Variants in KCNN3 observed in about 807,000 individuals in gnomAD.
KCNN3 encodes the protein small conductance calcium-activated potassium channel protein 3.
A neutral mutation model predicts 62.9 loss-of-function variants in KCNN3; 16 were observed. The observed-to-expected ratio is 0.25, with a 90% CI of 0.17 to 0.39. KCNN3 has a LOEUF of 0.39. Ranked by LOEUF, KCNN3 falls within the 10% of genes least tolerant of loss-of-function variation. The pLI, the probability that KCNN3 is intolerant of heterozygous loss-of-function variation, is 1.00. For missense variants in KCNN3, 599 were observed against 949.4 expected, an observed-to-expected ratio of 0.63 and a Z score of 4.85; for synonymous variants, 370 against 389.2, an observed-to-expected ratio of 0.95 and a Z score of 0.58.
At chr1:154,785,184 G>A (rs1267360502) in intron 2 of KCNN3, among the ~76,000 whole-genome samples, 1 of 152,230 alleles carries the variant, frequency 6.6e-6, no homozygotes, top group Non-Finnish European at 1.5e-5. Context: ...CTGAATGTTT[G>A]GGGGTAGGGG....
At chr1:154,750,217 G>A (rs1647304383) in intron 3 of KCNN3, among the ~76,000 whole-genome samples, 1 of 152,222 alleles carries the variant, frequency 6.6e-6, no homozygotes, top group South Asian at 2.1e-4. Flanking sequence ...TGCTGGAGAA[G>A]CTTCTAAAGC....
chr1:154,762,681 G>GT (rs1648075209), intron 3 of KCNN3, among the ~76,000 whole-genome samples: 1 of 152,134 alleles, frequency 6.6e-6, no homozygotes, highest in Non-Finnish European at 1.5e-5. Context: ...AAACACACCA[G>GT]TTTTTTCCTT....
chr1:154,794,492 C>A (rs552601367), intron 2 of KCNN3, among the ~76,000 whole-genome samples: 1 of 152,220 alleles, frequency 6.6e-6, no homozygotes, highest in Non-Finnish European at 1.5e-5. Context: ...AGAACTGAGT[C>A]CTCTGATGGG....
At chr1:154,829,583 A>G (rs1651295466) in intron 1 of KCNN3, among the ~76,000 whole-genome samples, 1 of 151,074 alleles carries the variant, frequency 6.6e-6, no homozygotes, top group Non-Finnish European at 1.5e-5. Context: ...GACCATCCAC[A>G]CTCTCCTCTC....
At chr1:154,738,027 GGAGAAAGAAGGA>G (rs1212010255) in intron 3 of KCNN3, among the ~76,000 whole-genome samples, 1 of 152,102 alleles carries the variant, frequency 6.6e-6, no homozygotes, top group African/African-American at 2.4e-5. Context: ...GGGAAAAGAA[GGAGAAAGAAGGA>G]GAGAAGTAAT....
intron 3 of KCNN3, among the ~76,000 whole-genome samples, chr1:154,755,553 A>AAG (rs1647621002): frequency 9.7e-6 from 1 of 103,170 alleles, no homozygotes; most frequent in African/African-American, 3.2e-5. Context: ...GAAGGAAGGA[A>AAG]GAAAGAAAGA....
rs766931119 is a variant in KCNN3 at position 154,869,759 on chromosome 1, T to TGCTGCTGCTGCTGCTGCTGCTGAA, written c.205_206insTTCAGCAGCAGCAGCAGCAGCAGC (p.Gln68_Gln69insLeuGlnGlnGlnGlnGlnGlnGln). On this transcript the variant is annotated inframe_insertion, in exon 1 of 8. Transcript: ENST00000271915. This position sits in a 1 kb window ranked among gnomAD's most constrained non-coding sequence, Gnocchi z 6.1. ...CTGCTGCTGCTGCTGCTGCTGCTGC[T>TGCTGCTGCTGCTGCTGCTGCTGAA]GCTGCTGAAGCTGCGGAGGCTGAGG... 6.6e-7 allele frequency: 1 copy of TGCTGCTGCTGCTGCTGCTGCTGAA among 1,521,992 alleles called. No homozygotes were observed. The highest frequency in any genetic ancestry group is 8.9e-7 in the Non-Finnish European group (1 of 1,127,894). 94.3% of individuals were successfully genotyped at this position (1,521,992 alleles called of 1,614,324 possible).
At chr1:154,718,143 A>C (rs1313893063) in intron 5 of KCNN3, among the ~76,000 whole-genome samples, 1 of 152,168 alleles carries the variant, frequency 6.6e-6, no homozygotes, top group Non-Finnish European at 1.5e-5. Flanking sequence ...AGAGTGGCTC[A>C]AGGTTGGCCA....
chr1:154,810,142 T>C (rs114619286), intron 2 of KCNN3, among the ~76,000 whole-genome samples: 2,585 of 152,246 alleles, frequency 0.017, 72 homozygotes, highest in African/African-American at 0.053. Flanking sequence ...GGAAGGCTGC[T>C]GGCACCTTAC....
chr1:154,746,868 A>C (rs1163944759), intron 3 of KCNN3, among the ~76,000 whole-genome samples: 4 of 152,222 alleles, frequency 2.6e-5, no homozygotes, highest in Admixed American at 2.6e-4. Flanking sequence ...AAATGTCACC[A>C]GGCAGAATCC....
intron 4 of KCNN3, among the ~76,000 whole-genome samples, chr1:154,726,660 CTA>C (rs1378420978): frequency 6.6e-6 from 1 of 152,228 alleles, no homozygotes; most frequent in Non-Finnish European, 1.5e-5. Context: ...AAGGTTTACG[CTA>C]TGACTCAGCA....
chr1:154,808,360 G>A (rs1419070888), intron 2 of KCNN3, among the ~76,000 whole-genome samples: 18 of 151,836 alleles, frequency 1.2e-4, no homozygotes, highest in Admixed American at 1.2e-3. Context: ...GCTGGAGCTG[G>A]TCCCTTCCCC....
intron 2 of KCNN3, among the ~76,000 whole-genome samples, chr1:154,795,791 G>A (rs533284841): frequency 9.2e-5 from 14 of 152,284 alleles, no homozygotes; most frequent in Admixed American, 2.6e-4. Context: ...GCCCAGAGAC[G>A]TGGACCTGTG....
chr1:154,843,544 G>T (rs1380993991), intron 1 of KCNN3, among the ~76,000 whole-genome samples: 3 of 152,154 alleles, frequency 2.0e-5, no homozygotes, highest in Non-Finnish European at 4.4e-5. Flanking sequence ...GGGATTACAA[G>T]TGTGAGCCAC....
At chr1:154,761,586 C>T (rs1911289) in intron 3 of KCNN3, among the ~76,000 whole-genome samples, 44,924 of 152,076 alleles carry the variant, frequency 0.3, 7,321 homozygotes, top group Middle Eastern at 0.44. Context: ...CTATTTTGTA[C>T]GCTCCTTTTT....
rs1487212689 is a variant in KCNN3, at chr1:154,706,933, C to T, written c.*1043G>A. The T allele has an allele frequency of 2.0e-5, 3 of 152,210 alleles. No individual in the cohort carries two copies. The highest frequency in any genetic ancestry group is 7.2e-5 in the African/African-American group (3 of 41,440). The allele number at this position is 152,210 out of a possible 1,614,324, so 9.4% of individuals were successfully genotyped here. A position where few individuals can be genotyped will look rare whatever the true frequency, so the allele number is the denominator to read the frequency against. ...GCACACACATGCACAATTTCTTGTC[C>T]TCTCCCTCCACACTTACAGACATAC... On this transcript the variant is annotated 3_prime_UTR_variant, in exon 8 of 8. Coordinates refer to ENST00000271915, the MANE Select transcript of KCNN3 (RefSeq NM_002249.6).
intron 2 of KCNN3, among the ~76,000 whole-genome samples, chr1:154,812,877 A>T (rs149428522): frequency 1.4e-4 from 21 of 152,324 alleles, no homozygotes; most frequent in African/African-American, 5.1e-4. Flanking sequence ...AGTTGTTCGG[A>T]CAGTCCCACA....
intron 1 of KCNN3, 80 bp downstream of exon 1, chr1:154,868,938 ATCTCTCTCTCTCAC>A: frequency 6.2e-5 from 58 of 931,052 alleles, no homozygotes; most frequent in Non-Finnish European, 8.6e-5. Context: ...CTCTCTCTCA[ATCTCTCTCTCTCAC>A]AATCCCCCTC....
chr1:154,848,979 T>C (rs1652199122), intron 1 of KCNN3, among the ~76,000 whole-genome samples: 1 of 152,184 alleles, frequency 6.6e-6, no homozygotes, highest in Non-Finnish European at 1.5e-5. Flanking sequence ...CCGAGTAGAA[T>C]GTTCTCAGAG....
Sources: allele counts gnomAD v4.1 joint callset (sites outside exome capture counted in the v4.1 genomes callset), GRCh38; gene constraint gnomAD v4.1.1; non-coding constraint Gnocchi (gnomAD v3.1); transcripts MANE v1.5; gene names NCBI Gene and HGNC (gene_info 2026-07-23, HGNC 2026-07-21).